The following MAP4K3 variants were observed in gnomAD, a reference collection of about 807,000 sequenced individuals.
MAP4K3 encodes MAPK/ERK kinase kinase kinase 3.
A neutral mutation model predicts 143.5 loss-of-function variants in MAP4K3; 94 were observed. The observed-to-expected ratio is 0.65, with a 90% CI of 0.55 to 0.78. The LOEUF (loss-of-function observed/expected upper bound fraction) is 0.78, where lower values mean the gene tolerates loss of function less well. Among genes scored for constraint, MAP4K3 ranks in the 30% least tolerant of loss-of-function variants. MAP4K3 has a pLI of 0.00. For synonymous variants in MAP4K3, 416 were observed against 347.2 expected (o/e 1.20, Z -2.20); for missense variants, 1,077 against 1,068.1 (o/e 1.01, Z -0.12).
intron 4 of MAP4K3, among the ~76,000 whole-genome samples, chr2:39,339,068 T>C (rs983333264): frequency 7.9e-5 from 12 of 152,196 alleles, no homozygotes; most frequent in African/African-American, 2.9e-4. Flanking sequence ...ATTCTAGAAA[T>C]TGAATTAAAT....
At chr2:39,250,919 T>G (rs1680130781) in intron 33 of MAP4K3, among the ~76,000 whole-genome samples, 2 of 152,212 alleles carry the variant, frequency 1.3e-5, no homozygotes, top group South Asian at 4.1e-4. Context: ...TAGGCCAGTG[T>G]TCTTCTAAGA....
chr2:39,338,987 G>C (rs528235346), intron 4 of MAP4K3, among the ~76,000 whole-genome samples: 3 of 152,172 alleles, frequency 2.0e-5, no homozygotes, highest in South Asian at 4.1e-4. Context: ...AGCACAAACA[G>C]AGCATCTGTA....
At chr2:39,264,926 C>A (rs890950805) in intron 28 of MAP4K3, among the ~76,000 whole-genome samples, 1 of 152,162 alleles carries the variant, frequency 6.6e-6, no homozygotes, top group Admixed American at 6.5e-5. Flanking sequence ...TTTCACTGAT[C>A]TTTTAGTACT....
intron 26 of MAP4K3, among the ~76,000 whole-genome samples, chr2:39,267,620 C>T (rs969502262): frequency 2.0e-5 from 3 of 150,036 alleles, no homozygotes; most frequent in African/African-American, 7.4e-5. Flanking sequence ...ATGTGGTGAG[C>T]CGAGAGCACA....
At chr2:39,351,753 C>G (rs1030306464) in intron 3 of MAP4K3, among the ~76,000 whole-genome samples, 3 of 152,286 alleles carry the variant, frequency 2.0e-5, no homozygotes, top group East Asian at 3.9e-4. Flanking sequence ...ACTGCAACCT[C>G]TGCCTCTTGG....
At chr2:39,263,439 T>A (rs1471959484) in intron 28 of MAP4K3, among the ~76,000 whole-genome samples, 1 of 2,210 alleles carries the variant, frequency 4.5e-4, no homozygotes, top group African/African-American at 1.0e-3. Context: ...CGCCCGGCTA[T>A]TTTTTTTTTT....
chr2:39,332,008 A>G lies in MAP4K3; in HGVS notation c.458-19T>C. On this transcript the variant is annotated intron_variant, in intron 7 of 33. Transcript: ENST00000263881. ...AAATCAGCTATTAAAAAAAATGAGA[A>G]ACATTTAGGAAACTGAGAGAAAATA... is the stretch of plus-strand genomic sequence containing the variant. 7.2e-7 allele frequency: 1 copy of G among 1,390,024 alleles called. No homozygotes were observed. The highest frequency in any genetic ancestry group is 9.9e-7 in the Non-Finnish European group (1 of 1,014,942). The allele number at this position is 1,390,024 out of a possible 1,614,324, so 86.1% of individuals were successfully genotyped here.
chr2:39,431,342 A>C (rs1665279446), intron 1 of MAP4K3, among the ~76,000 whole-genome samples: 1 of 152,214 alleles, frequency 6.6e-6, no homozygotes, highest in Non-Finnish European at 1.5e-5. Context: ...AGGAAGTCTC[A>C]GAAGAAAGGG....
intron 2 of MAP4K3, among the ~76,000 whole-genome samples, chr2:39,361,940 T>C (rs1665783179): frequency 6.6e-6 from 1 of 152,030 alleles, no homozygotes. Flanking sequence ...AAACAAAGTA[T>C]TCTGTGAGAT....
chr2:39,369,512 A>T (rs1309215563), intron 2 of MAP4K3, among the ~76,000 whole-genome samples: 1 of 152,106 alleles, frequency 6.6e-6, no homozygotes, highest in Non-Finnish European at 1.5e-5. Flanking sequence ...ATTTCCCACC[A>T]TGCTCACATA....
chr2:39,254,875 C>T (rs1259714087), intron 31 of MAP4K3, among the ~76,000 whole-genome samples: 2 of 152,070 alleles, frequency 1.3e-5, no homozygotes, highest in Non-Finnish European at 2.9e-5. Flanking sequence ...CCACTGTGTT[C>T]GGCCTGTTTT....
rs749505182 is a variant in MAP4K3, at chr2:39,337,574, T to C, written c.318A>G (p.Gly106=). The C allele has an allele frequency of 1.2e-6, 2 of 1,608,554 alleles. No homozygotes were observed. Among genetic ancestry groups the C allele is most frequent in the Non-Finnish European group, 1.7e-6 (2 of 1,175,566 alleles). ...GSLQDIYHVT[G]PLSELQIAYV... ...ATGCAATTTGCAGTTCTGACAGAGG[T>C]CCAGTTACTGTAAAAGAAGACAATT... The change falls in exon 5 of 34, where the codon GGA becomes GGG. Residue 106 remains glycine (G), a synonymous_variant. Transcript: ENST00000263881.
At chr2:39,267,919 A>G (rs1680833485) in intron 26 of MAP4K3, among the ~76,000 whole-genome samples, 1 of 152,176 alleles carries the variant, frequency 6.6e-6, no homozygotes, top group Non-Finnish European at 1.5e-5. Context: ...GTGGCAGTCA[A>G]TTACTGAATT....
chr2:39,260,233 C>T (rs192045830), intron 29 of MAP4K3, among the ~76,000 whole-genome samples: 1 of 152,252 alleles, frequency 6.6e-6, no homozygotes, highest in East Asian at 1.9e-4. Context: ...CCCATCTTGG[C>T]CTCCCTGGTA....
chr2:39,355,543 A>G (rs1665588347), intron 3 of MAP4K3, among the ~76,000 whole-genome samples: 1 of 151,928 alleles, frequency 6.6e-6, no homozygotes, highest in African/African-American at 2.4e-5. Context: ...CCCCCACAAA[A>G]GAAAGAAAGG....
At chr2:39,338,232 A>G (rs1331985790) in intron 4 of MAP4K3, among the ~76,000 whole-genome samples, 1 of 152,206 alleles carries the variant, frequency 6.6e-6, no homozygotes, top group Non-Finnish European at 1.5e-5. Context: ...CATCAATATC[A>G]TCTCTTAAAC....
At chr2:39,292,975 G>T in intron 17 of MAP4K3, 149 bp from the exon 18 acceptor site, 2 of 739,624 alleles carry the variant, frequency 2.7e-6, no homozygotes, top group Non-Finnish European at 4.6e-6. Context: ...TTAAAACAAG[G>T]AACTGGGAGC....
chr2:39,354,660 T>TCAAA lies in MAP4K3; in HGVS notation c.245+1585_245+1588dup, dbSNP rs1387762034. On this transcript the variant is annotated intron_variant, in intron 3 of 33. Transcript: ENST00000263881. ...CTGGGCAACAGAGTGAGACTCTGTCTCAAACAAACAAACAAAAAAAAAACA... is the reference window on the plus strand; with the variant it reads ...CTGGGCAACAGAGTGAGACTCTGTCTCAAACAAACAAACAAACAAAAAAAAAACA... Among the ~76,000 whole-genome samples the TCAAA allele has an allele frequency of 8.7e-5, 13 of 148,700 alleles. No homozygotes were observed. The South Asian group carries it at 2.4e-3, about 27-fold the overall frequency.
intron 3 of MAP4K3, among the ~76,000 whole-genome samples, chr2:39,350,451 A>G (rs977853944): frequency 1.3e-5 from 2 of 152,232 alleles, no homozygotes; most frequent in East Asian, 1.9e-4. Flanking sequence ...AAATATTCCT[A>G]AACTAGAAAG....
Sources: allele counts gnomAD v4.1 joint callset (sites outside exome capture counted in the v4.1 genomes callset), GRCh38; gene constraint gnomAD v4.1.1; transcripts MANE v1.5; gene names NCBI Gene and HGNC (gene_info 2026-07-23, HGNC 2026-07-21).